The following ZNF131 variants were observed in gnomAD, a reference collection of about 807,000 sequenced individuals.
ZNF131 encodes the protein zinc finger and BTB domain containing 35, also known as zinc finger protein 131.
Under a neutral mutation model 60.0 loss-of-function variants are expected in ZNF131, and 7 were observed. The ratio of observed to expected loss-of-function variants is 0.12; its 90% confidence interval spans 0.07 to 0.22. ZNF131 has a LOEUF of 0.22. ZNF131 is among the 10% of genes least tolerant of loss of function. The pLI, the probability that ZNF131 is intolerant of heterozygous loss-of-function variation, is 1.00. For synonymous variants in ZNF131, 257 were observed against 253.2 expected (o/e 1.01, Z -0.14); for missense variants, 493 against 740.9 (o/e 0.67, Z 3.88).
chr5:43,131,739 G>C (rs1294820751), intron 3 of ZNF131, among the ~76,000 whole-genome samples: 1 of 151,180 alleles, frequency 6.6e-6, no homozygotes, highest in African/African-American at 2.4e-5. Context: ...ATGTAAATTG[G>C]AACAATAAGC....
At chr5:43,167,308 G>A (rs967567964) in intron 5 of ZNF131, among the ~76,000 whole-genome samples, 11 of 152,136 alleles carry the variant, frequency 7.2e-5, no homozygotes, top group African/African-American at 1.9e-4. Flanking sequence ...AAATGGCAGC[G>A]ATAAACTTGC....
At chr5:43,167,660 A>G (rs1750527309) in intron 5 of ZNF131, among the ~76,000 whole-genome samples, 1 of 152,190 alleles carries the variant, frequency 6.6e-6, no homozygotes. Context: ...AATAGTAATG[A>G]TAATGCCATA....
At chr5:43,156,609 T>C (rs1748994731) in intron 4 of ZNF131, among the ~76,000 whole-genome samples, 1 of 152,226 alleles carries the variant, frequency 6.6e-6, no homozygotes, top group Non-Finnish European at 1.5e-5. Context: ...ACGTCATCCC[T>C]GCTGACACCG....
intron 4 of ZNF131, among the ~76,000 whole-genome samples, chr5:43,156,346 C>T (rs1339868168): frequency 1.3e-5 from 2 of 152,138 alleles, no homozygotes; most frequent in Non-Finnish European, 2.9e-5. Flanking sequence ...CTCCAGTATA[C>T]TTGGATGAGT....
At chr5:43,168,813 C>T (rs1750650350) in intron 5 of ZNF131, among the ~76,000 whole-genome samples, 1 of 152,088 alleles carries the variant, frequency 6.6e-6, no homozygotes, top group Admixed American at 6.6e-5. Context: ...ATTTGAGTAA[C>T]ATTAGGTAGC....
intron 3 of ZNF131, among the ~76,000 whole-genome samples, chr5:43,129,515 T>A (rs1490892204): frequency 6.6e-6 from 1 of 152,206 alleles, no homozygotes; most frequent in Non-Finnish European, 1.5e-5. Flanking sequence ...CTAAGGGTAA[T>A]GAAAAACATA....
chr5:43,134,956 C>T (rs190049720), intron 3 of ZNF131, among the ~76,000 whole-genome samples: 22 of 151,404 alleles, frequency 1.5e-4, no homozygotes, highest in East Asian at 5.9e-4. Flanking sequence ...CCTCAGCCTC[C>T]GAAAATGTTG....
At chr5:43,131,885 T>G (rs1745407047) in intron 3 of ZNF131, among the ~76,000 whole-genome samples, 1 of 152,136 alleles carries the variant, frequency 6.6e-6, no homozygotes, top group Non-Finnish European at 1.5e-5. Context: ...ACATGTATCT[T>G]CAAACTTTTC....
intron 3 of ZNF131, among the ~76,000 whole-genome samples, chr5:43,138,304 AG>A (rs1174435235): frequency 6.6e-6 from 1 of 152,222 alleles, no homozygotes; most frequent in Non-Finnish European, 1.5e-5. Flanking sequence ...GGTGGGTGGT[AG>A]GATGAGTATA....
chr5:43,158,211 G>A (rs1039998529), intron 4 of ZNF131, among the ~76,000 whole-genome samples: 21 of 150,738 alleles, frequency 1.4e-4, no homozygotes, highest in African/African-American at 4.6e-4. Context: ...CAGTTGATCC[G>A]CCTGCCTTGG....
intron 3 of ZNF131, among the ~76,000 whole-genome samples, chr5:43,131,291 G>A (rs1442652021): frequency 6.6e-6 from 1 of 152,096 alleles, no homozygotes; most frequent in African/African-American, 2.4e-5. Flanking sequence ...TCCTGCCTCA[G>A]CCTCCCGAGT....
chr5:43,135,256 A>T (rs1019115861), intron 3 of ZNF131, among the ~76,000 whole-genome samples: 2 of 151,252 alleles, frequency 1.3e-5, no homozygotes, highest in East Asian at 3.9e-4. Flanking sequence ...CGGCCTCCCA[A>T]AGTGCTGGGA....
chr5:43,144,146 T>A (rs1747251196), intron 4 of ZNF131, among the ~76,000 whole-genome samples: 2 of 150,544 alleles, frequency 1.3e-5, no homozygotes, highest in East Asian at 3.9e-4. Flanking sequence ...ATGGTCTCGA[T>A]CTCCTGACCT....
At chr5:43,161,019 C>G (rs75634501) in intron 4 of ZNF131, among the ~76,000 whole-genome samples, 11 of 152,052 alleles carry the variant, frequency 7.2e-5, no homozygotes, top group African/African-American at 2.4e-4. Flanking sequence ...GTTGACTAAG[C>G]GTGGGTCTAT....
chr5:43,138,284 AC>A (rs1746383672), intron 3 of ZNF131, among the ~76,000 whole-genome samples: 2 of 152,216 alleles, frequency 1.3e-5, no homozygotes, highest in Admixed American at 1.3e-4. Context: ...TTAGAGTTGG[AC>A]CTTTAAGGGG....
chr5:43,130,708 G>A (rs868439500), intron 3 of ZNF131, among the ~76,000 whole-genome samples: 1 of 151,870 alleles, frequency 6.6e-6, no homozygotes, highest in Non-Finnish European at 1.5e-5. Context: ...GGGATTACAG[G>A]CATGCACCAC....
intron 5 of ZNF131, among the ~76,000 whole-genome samples, chr5:43,162,572 A>G (rs574722162): frequency 1.2e-3 from 171 of 144,030 alleles, no homozygotes; most frequent in Middle Eastern, 3.8e-3. Flanking sequence ...AGCCTGGTCA[A>G]TAGAGTGAGA....
chr5:43,123,616 A>G (rs1163006686), intron 3 of ZNF131: 1 of 235,436 alleles, frequency 4.2e-6, no homozygotes, highest in African/African-American at 2.3e-5. Context: ...GAAAACAAGT[A>G]TTAAACGTGA....
chr5:43,171,742 C>T (rs1751019083), intron 5 of ZNF131, among the ~76,000 whole-genome samples: 1 of 152,150 alleles, frequency 6.6e-6, no homozygotes, highest in African/African-American at 2.4e-5. Context: ...GTCTCAGCCT[C>T]CCAGGTAGCT....
Sources: allele counts gnomAD v4.1 joint callset (sites outside exome capture counted in the v4.1 genomes callset), GRCh38; gene constraint gnomAD v4.1.1; transcripts MANE v1.5; gene names NCBI Gene and HGNC (gene_info 2026-07-23, HGNC 2026-07-21).